Variants in TENM3 observed in about 807,000 individuals in gnomAD.
TENM3 encodes the protein teneurin-3.
A neutral mutation model predicts 255.1 loss-of-function variants in TENM3; 63 were observed. The observed-to-expected ratio is 0.25, with a 90% CI of 0.20 to 0.30. The LOEUF is 0.30. Ranked by LOEUF, TENM3 falls within the 10% of genes least tolerant of loss-of-function variation. The probability of loss-of-function intolerance (pLI) is 1.00; values close to 1 mark genes in which losing one functional copy is unlikely to be tolerated. For synonymous variants in TENM3, 1,306 were observed against 1,322.3 expected (o/e 0.99, Z 0.27); for missense variants, 2,929 against 3,461.1 (o/e 0.85, Z 3.86).
chr4:181,474,316 T>C, the TENM3 span, among the ~76,000 whole-genome samples: 1 of 152,104 alleles, frequency 6.6e-6, no homozygotes. Flanking sequence ...TAAAGTATGA[T>C]AAAAAATTTT....
At chr4:182,492,805 C>A (rs956818483) in intron 3 of TENM3, among the ~76,000 whole-genome samples, 1 of 152,032 alleles carries the variant, frequency 6.6e-6, no homozygotes, top group Non-Finnish European at 1.5e-5. Flanking sequence ...ATTGTTATTT[C>A]TGTTGATACT....
At chr4:181,749,285 G>A in the TENM3 span, among the ~76,000 whole-genome samples, 1 of 152,004 alleles carries the variant, frequency 6.6e-6, no homozygotes, top group African/African-American at 2.4e-5. Context: ...TGAGGAAAAA[G>A]AAAAATGCAT....
chr4:181,460,261 A>G, the TENM3 span, among the ~76,000 whole-genome samples: 1 of 152,008 alleles, frequency 6.6e-6, no homozygotes, highest in South Asian at 2.1e-4. Context: ...GTGTGAATAA[A>G]GGCAGTTTTA....
At chr4:181,974,727 A>G in the TENM3 span, among the ~76,000 whole-genome samples, 1 of 152,310 alleles carries the variant, frequency 6.6e-6, no homozygotes, top group South Asian at 2.1e-4. Context: ...TACATTTACT[A>G]CCAGTGACAA....
chr4:181,991,275 C>T, the TENM3 span, among the ~76,000 whole-genome samples: 1 of 152,074 alleles, frequency 6.6e-6, no homozygotes, highest in African/African-American at 2.4e-5. Context: ...TAGATTGATC[C>T]TTTTCCTCTT....
intron 1 of TENM3, among the ~76,000 whole-genome samples, chr4:182,193,131 C>T (rs1753624311): frequency 6.6e-6 from 1 of 152,134 alleles, no homozygotes; most frequent in Non-Finnish European, 1.5e-5. Context: ...TATACACCAT[C>T]ACAGGTTTGG....
At chr4:182,433,435 G>A (rs1771809606) in intron 3 of TENM3, among the ~76,000 whole-genome samples, 1 of 152,182 alleles carries the variant, frequency 6.6e-6, no homozygotes, top group Admixed American at 6.5e-5. Context: ...AATTTGTGAG[G>A]TAAACCTTGG....
At chr4:182,148,713 G>T (rs1750126654) in intron 1 of TENM3, among the ~76,000 whole-genome samples, 1 of 152,044 alleles carries the variant, frequency 6.6e-6, no homozygotes, top group Admixed American at 6.5e-5. Flanking sequence ...TGCATGTGGA[G>T]GTAATTCCTT....
rs1256876099 is a variant in TENM3, at chr4:182,792,902, A to G, written c.6230A>G (p.Tyr2077Cys). The G allele has an allele frequency of 1.2e-6, 2 of 1,613,974 alleles. No homozygotes were observed. The highest frequency in any genetic ancestry group is 8.5e-7 in the Non-Finnish European group (1 of 1,179,864). The change falls in exon 26 of 28, where the codon TAT becomes TGT. Residue 2077 changes from tyrosine (Y) to cysteine (C), a missense_variant. Transcript: ENST00000511685. The surrounding 1 kb of genome is among the most constrained non-coding windows in gnomAD (Gnocchi z 6.3). ...NQIISTAVMT[Y>C]TKHFDAHGRI... ...ATCATTTCTACAGCTGTAATGACCT[A>G]TACGAAGCACTTTGATGCTCATGGC...
intron 2 of TENM3, among the ~76,000 whole-genome samples, chr4:182,343,913 G>A (rs1274599647): frequency 6.6e-6 from 1 of 152,146 alleles, no homozygotes; most frequent in African/African-American, 2.4e-5. Context: ...GAAGCACTGA[G>A]GGAGGTCTGG....
intron 7 of TENM3, among the ~76,000 whole-genome samples, chr4:182,673,964 G>A (rs1168017896): frequency 4.6e-5 from 7 of 152,070 alleles, no homozygotes; most frequent in African/African-American, 7.2e-5. Context: ...GGAAATTGTC[G>A]CTTAATATAG....
chr4:182,326,470 C>G (rs1763416864), intron 2 of TENM3, among the ~76,000 whole-genome samples: 1 of 152,090 alleles, frequency 6.6e-6, no homozygotes. Context: ...CAGTGGAAAA[C>G]AGGCAACTCA....
chr4:181,580,366 T>C, the TENM3 span, among the ~76,000 whole-genome samples: 3 of 152,096 alleles, frequency 2.0e-5, no homozygotes, highest in Non-Finnish European at 4.4e-5. Flanking sequence ...CTCCTGGGCA[T>C]ATGCAGATCT....
chr4:182,197,738 C>T (rs1053008682), intron 1 of TENM3, among the ~76,000 whole-genome samples: 2 of 152,212 alleles, frequency 1.3e-5, no homozygotes, highest in Non-Finnish European at 2.9e-5. Flanking sequence ...AGTGCCCTTT[C>T]AGTAAAGTTT....
chr4:181,763,240 C>T, the TENM3 span, among the ~76,000 whole-genome samples: 5 of 152,262 alleles, frequency 3.3e-5, no homozygotes, highest in South Asian at 1.0e-3. Flanking sequence ...ATTTGACCTT[C>T]GTATTCTAAA....
chr4:182,209,314 T>G (rs1754820003), intron 1 of TENM3, among the ~76,000 whole-genome samples: 1 of 149,860 alleles, frequency 6.7e-6, no homozygotes, highest in South Asian at 2.1e-4. Flanking sequence ...GTTTTGACAC[T>G]GCCATGCTCT....
At chr4:181,701,754 T>C in the TENM3 span, among the ~76,000 whole-genome samples, 1 of 152,234 alleles carries the variant, frequency 6.6e-6, no homozygotes, top group African/African-American at 2.4e-5. Context: ...AGAATTCATG[T>C]AAATCAACGG....
At chr4:182,189,252 T>C (rs1180077628) in intron 1 of TENM3, among the ~76,000 whole-genome samples, 4 of 152,154 alleles carry the variant, frequency 2.6e-5, no homozygotes, top group African/African-American at 9.7e-5. Context: ...TATGTAACTC[T>C]AGCTCAGTGA....
rs1579659800 is a variant in TENM3 at position 182,192,258 on chromosome 4, C to T, written c.-76+47504C>T. 2.0e-5 allele frequency among the ~76,000 whole-genome samples: 3 copies of T among 152,262 alleles called. No homozygotes were observed. The South Asian group carries it at 6.2e-4, about 32-fold the overall frequency. ...TAGTTTCTACCGAGGGTCCACAAAG[C>T]GTAGTTACTATCTGGCTCTTTACAT... On this transcript the variant is annotated intron_variant, in intron 1 of 2. Transcript: ENST00000512480.
Sources: gnomAD v4.1 joint callset for allele counts (sites outside exome capture counted in the v4.1 genomes callset) on GRCh38, gnomAD v4.1.1 for gene constraint, Gnocchi (gnomAD v3.1) non-coding constraint, MANE v1.5 for transcripts, NCBI Gene and HGNC (gene_info 2026-07-23, HGNC 2026-07-21) for gene names.